The following ERBB4 variants were observed in gnomAD, a reference collection of about 807,000 sequenced individuals.
The protein encoded by ERBB4 is receptor tyrosine-protein kinase erbB-4.
ERBB4 carries 42 observed loss-of-function variants against 158.0 expected under a neutral mutation model. The ratio of observed to expected loss-of-function variants is 0.27; its 90% CI spans 0.21 to 0.34. The LOEUF (loss-of-function observed/expected upper bound fraction) is 0.34. ERBB4 is among the 10% of genes least tolerant of loss of function. The pLI is 1.00. For missense variants in ERBB4, 1,333 were observed against 1,624.1 expected (o/e 0.82, Z 3.08); for synonymous variants, 583 against 558.7 (o/e 1.04, Z -0.61).
intron 2 of ERBB4, among the ~76,000 whole-genome samples, chr2:212,060,400 G>T (rs1302475833): frequency 3.3e-5 from 5 of 151,404 alleles, no homozygotes; most frequent in Admixed American, 3.3e-4. Flanking sequence ...AAGACAGTGT[G>T]GCAATTCCTC....
At chr2:211,597,135 C>A (rs187527559) in intron 19 of ERBB4, among the ~76,000 whole-genome samples, 13 of 152,014 alleles carry the variant, frequency 8.6e-5, no homozygotes, top group Admixed American at 7.2e-4. Context: ...CATGAAGAAG[C>A]AAGGAAAAAT....
intron 2 of ERBB4, among the ~76,000 whole-genome samples, chr2:212,090,952 ATTCT>A (rs2078756426): frequency 6.6e-6 from 1 of 152,092 alleles, no homozygotes; most frequent in South Asian, 2.1e-4. Context: ...TTTTAAATTA[ATTCT>A]TTATCTATCT....
intron 5 of ERBB4, among the ~76,000 whole-genome samples, chr2:211,732,667 AG>A (rs2074462408): frequency 6.6e-6 from 1 of 152,196 alleles, no homozygotes; most frequent in African/African-American, 2.4e-5. Context: ...AGTTAATAAA[AG>A]TAGGGCCAGG....
chr2:211,523,017 C>T (rs1381302777), intron 20 of ERBB4, among the ~76,000 whole-genome samples: 1 of 150,230 alleles, frequency 6.7e-6, no homozygotes, highest in African/African-American at 2.5e-5. Flanking sequence ...CTTACTGTAG[C>T]AAAGTGAGAA....
At chr2:211,807,678 C>A (rs1030062429) in intron 3 of ERBB4, among the ~76,000 whole-genome samples, 1 of 152,118 alleles carries the variant, frequency 6.6e-6, no homozygotes, top group Admixed American at 6.5e-5. Context: ...ATTGTTGGGT[C>A]AAATGGTATT....
At chr2:212,387,500 C>T (rs1010432830) in intron 1 of ERBB4, among the ~76,000 whole-genome samples, 4 of 151,772 alleles carry the variant, frequency 2.6e-5, no homozygotes, top group Admixed American at 2.6e-4. Flanking sequence ...TCACTGAAAC[C>T]TCTGCCTCCT....
chr2:211,617,939 T>C (rs1488345369), intron 19 of ERBB4, among the ~76,000 whole-genome samples: 2 of 152,118 alleles, frequency 1.3e-5, no homozygotes, highest in Non-Finnish European at 2.9e-5. Context: ...ATGTCTTGTA[T>C]TGAATGTGAA....
At chr2:211,846,101 GA>G (rs549195959) in intron 3 of ERBB4, among the ~76,000 whole-genome samples, 9 of 144,992 alleles carry the variant, frequency 6.2e-5, no homozygotes, top group East Asian at 6.0e-4. Flanking sequence ...TCCACTCTAG[GA>G]AAAAAAAATC....
At chr2:212,294,788 T>A (rs1184489950) in intron 1 of ERBB4, among the ~76,000 whole-genome samples, 1 of 152,082 alleles carries the variant, frequency 6.6e-6, no homozygotes, top group Non-Finnish European at 1.5e-5. Flanking sequence ...ACCTTATATA[T>A]AAATAATACA....
chr2:212,358,340 A>G (rs1472643852), intron 1 of ERBB4, among the ~76,000 whole-genome samples: 1 of 151,730 alleles, frequency 6.6e-6, no homozygotes, highest in Non-Finnish European at 1.5e-5. Context: ...GTACCAAATA[A>G]CACACTCAGT....
chr2:211,711,082 C>T (rs1466192540), intron 9 of ERBB4, among the ~76,000 whole-genome samples: 1 of 151,070 alleles, frequency 6.6e-6, no homozygotes, highest in Non-Finnish European at 1.5e-5. Flanking sequence ...GTGGCAGCTA[C>T]ATACATACTA....
At chr2:211,880,124 TACAA>T (rs1238914281) in intron 3 of ERBB4, among the ~76,000 whole-genome samples, 1 of 152,032 alleles carries the variant, frequency 6.6e-6, no homozygotes, top group Non-Finnish European at 1.5e-5. Flanking sequence ...TTTTCTGAAA[TACAA>T]ACTTCCTTCT....
At chr2:211,465,680 A>G (rs558493556) in intron 20 of ERBB4, among the ~76,000 whole-genome samples, 6 of 152,294 alleles carry the variant, frequency 3.9e-5, no homozygotes, top group African/African-American at 1.4e-4. Context: ...ATCTTGAACA[A>G]ATGACAACAA....
intron 3 of ERBB4, among the ~76,000 whole-genome samples, chr2:211,922,440 T>A (rs921885988): frequency 1.3e-5 from 2 of 152,150 alleles, no homozygotes; most frequent in African/African-American, 4.8e-5. Flanking sequence ...TTATAGTTTA[T>A]CAACTTTTTT....
chr2:212,111,691 C>A (rs1419076107), intron 2 of ERBB4, among the ~76,000 whole-genome samples: 1 of 151,656 alleles, frequency 6.6e-6, no homozygotes, highest in Non-Finnish European at 1.5e-5. Flanking sequence ...TTATAACTGC[C>A]CCCCTGCCAA....
chr2:212,524,454 A>G (rs1302656670), intron 1 of ERBB4, among the ~76,000 whole-genome samples: 1 of 152,008 alleles, frequency 6.6e-6, no homozygotes, highest in African/African-American at 2.4e-5. Flanking sequence ...TAGTCATCAT[A>G]TATTCAAACT....
chr2:211,717,595 C>T (rs1324082852), intron 7 of ERBB4, among the ~76,000 whole-genome samples: 3 of 151,936 alleles, frequency 2.0e-5, no homozygotes, highest in African/African-American at 4.8e-5. Flanking sequence ...TTTGGGAGGC[C>T]GAGGGAGGTG....
chr2:211,717,548 G>A (rs1475064855), intron 7 of ERBB4, among the ~76,000 whole-genome samples: 3 of 152,004 alleles, frequency 2.0e-5, no homozygotes, highest in Non-Finnish European at 2.9e-5. Context: ...TACCCCTCTC[G>A]GCCTGGTGCG....
intron 3 of ERBB4, among the ~76,000 whole-genome samples, chr2:211,825,167 A>G (rs553877107): frequency 1.2e-4 from 18 of 151,904 alleles, no homozygotes; most frequent in Non-Finnish European, 2.5e-4. Flanking sequence ...TTTCAGTAGA[A>G]TAAGTCTGTT....
Sources: gnomAD v4.1 joint callset for allele counts (sites outside exome capture counted in the v4.1 genomes callset) on GRCh38, gnomAD v4.1.1 for gene constraint, MANE v1.5 for transcripts, NCBI Gene and HGNC (gene_info 2026-07-23, HGNC 2026-07-21) for gene names.